Variants in HDHD2 observed in about 807,000 individuals in gnomAD.
HDHD2 encodes the protein haloacid dehalogenase-like hydrolase domain-containing protein 2.
Under a neutral mutation model 24.8 loss-of-function variants are expected in HDHD2, and 26 were observed. That is an observed-to-expected ratio of 1.05 (90% CI 0.77 to 1.45). HDHD2 has a LOEUF of 1.45. Among genes scored for constraint, HDHD2 ranks in the 40% most tolerant of loss-of-function variants. The probability of loss-of-function intolerance (pLI) is 0.00; values close to 1 mark genes in which losing one functional copy is unlikely to be tolerated. For synonymous variants in HDHD2, 128 were observed against 114.9 expected (o/e 1.11, Z -0.73); for missense variants, 299 against 313.4 (o/e 0.95, Z 0.35).
At chr18:47,135,573 G>T (rs2063758179) in intron 2 of HDHD2, among the ~76,000 whole-genome samples, 1 of 152,092 alleles carries the variant, frequency 6.6e-6, no homozygotes. Context: ...TGAGTCACTA[G>T]ATTTTCTGAT....
At chr18:47,144,799 C>CAAAAAAA (rs200234127) in intron 1 of HDHD2, among the ~76,000 whole-genome samples, 1 of 61,244 alleles carries the variant, frequency 1.6e-5, no homozygotes, top group African/African-American at 5.9e-5. Context: ...GACCCTGTCT[C>CAAAAAAA]AAAAAAAAAA....
chr18:47,137,766 G>A (rs1181573526), intron 1 of HDHD2, among the ~76,000 whole-genome samples: 3 of 151,572 alleles, frequency 2.0e-5, no homozygotes, highest in Non-Finnish European at 4.4e-5. Context: ...CTGCGTAGCT[G>A]TTACGTATAG....
At chr18:47,131,756 T>C (rs2063715791) in intron 3 of HDHD2, among the ~76,000 whole-genome samples, 1 of 152,132 alleles carries the variant, frequency 6.6e-6, no homozygotes, top group South Asian at 2.1e-4. Flanking sequence ...TTAAAAAAAA[T>C]ACCAGTATTA....
intron 4 of HDHD2, among the ~76,000 whole-genome samples, chr18:47,127,200 T>C: frequency 6.6e-6 from 1 of 152,042 alleles, no homozygotes; most frequent in Non-Finnish European, 1.5e-5. Flanking sequence ...TAGGAACTTG[T>C]GGCAAAGCAA....
chr18:47,123,986 A>G (rs567513032), intron 4 of HDHD2, among the ~76,000 whole-genome samples: 4 of 152,356 alleles, frequency 2.6e-5, no homozygotes, highest in Non-Finnish European at 5.9e-5. Context: ...AATAATCAAG[A>G]CAGTATGAAT....
chr18:47,144,251 C>A (rs1218762461), intron 1 of HDHD2, among the ~76,000 whole-genome samples: 2 of 152,144 alleles, frequency 1.3e-5, no homozygotes, highest in Non-Finnish European at 2.9e-5. Context: ...CCCCATGGGC[C>A]TCTTCAGGGA....
At chr18:47,128,074 C>T (rs976006746) in intron 4 of HDHD2, among the ~76,000 whole-genome samples, 2 of 152,126 alleles carry the variant, frequency 1.3e-5, no homozygotes, top group Non-Finnish European at 2.9e-5. Flanking sequence ...GACCTAAAAT[C>T]CTTCTGTTAA....
chr18:47,146,811 A>C (rs2063875455), intron 1 of HDHD2, among the ~76,000 whole-genome samples: 1 of 152,204 alleles, frequency 6.6e-6, no homozygotes, highest in South Asian at 2.1e-4. Context: ...TAAAACTGTA[A>C]AGAGAAGCAA....
intron 5 of HDHD2, among the ~76,000 whole-genome samples, chr18:47,114,878 CAT>C (rs929273076): frequency 6.6e-6 from 1 of 151,140 alleles, no homozygotes; most frequent in African/African-American, 2.4e-5. Flanking sequence ...GAGTTAACTA[CAT>C]ATATATATGT....
chr18:47,113,942 G>GT lies in HDHD2; in HGVS notation c.613-903dup, dbSNP rs532068829. Among the ~76,000 whole-genome samples the GT allele has an allele frequency of 1.1e-4, 17 of 152,210 alleles. No homozygotes were observed. In the East Asian group the frequency reaches 3.1e-3, roughly 28 times the overall value. On this transcript the variant is annotated intron_variant, in intron 5 of 6. Coordinates refer to ENST00000300605, the MANE Select transcript of HDHD2 (RefSeq NM_032124.5). ...GAAAAAGAATGTGGACAATGAGACGGTGGGGGGCAGGGAACCACCACTTTC... is the reference window on the plus strand; with the variant it reads ...GAAAAAGAATGTGGACAATGAGACGGTTGGGGGGCAGGGAACCACCACTTTC...
chr18:47,109,044 A>G (rs1438870924), intron 6 of HDHD2: 1 of 441,334 alleles, frequency 2.3e-6, no homozygotes, highest in East Asian at 4.2e-5. Flanking sequence ...CTGACAGCTA[A>G]GATTCCCTTC....
At chr18:47,128,321 C>T (rs891213115) in intron 4 of HDHD2, among the ~76,000 whole-genome samples, 7 of 152,130 alleles carry the variant, frequency 4.6e-5, no homozygotes, top group Non-Finnish European at 1.0e-4. Flanking sequence ...AAATTGCCAG[C>T]TAAAATTAAT....
At position 47,128,474 on chromosome 18, in the gene HDHD2, A is replaced by G. The variant is rs370254593; in HGVS notation, c.395+1770T>C. Among the ~76,000 whole-genome samples the G allele has an allele frequency of 1.6e-4, 25 of 152,350 alleles. No homozygotes were observed. In the East Asian group the frequency reaches 3.5e-3, roughly 21 times the overall value. Reference sequence around the variant, plus strand: ...AGAACTTACTTAAGGAGCAGATGGCATAGTCTCTCCCTCCTCAACCAAAGG... The same window carrying G: ...AGAACTTACTTAAGGAGCAGATGGCGTAGTCTCTCCCTCCTCAACCAAAGG... On this transcript the variant is annotated intron_variant, in intron 4 of 6. Coordinates refer to ENST00000300605, the MANE Select transcript of HDHD2 (RefSeq NM_032124.5).
chr18:47,145,195 C>A (rs2063857447), intron 1 of HDHD2, among the ~76,000 whole-genome samples: 1 of 152,194 alleles, frequency 6.6e-6, no homozygotes. Flanking sequence ...AAAGGAGCAA[C>A]ATTTAGACTC....
intron 2 of HDHD2, among the ~76,000 whole-genome samples, chr18:47,135,264 T>C (rs184779315): frequency 0.012 from 1,780 of 149,622 alleles, 19 homozygotes; most frequent in Non-Finnish European, 0.019. Context: ...TTTTCTTTTT[T>C]TTTTTTTTTT....
chr18:47,148,060 A>G (rs2063890781), intron 1 of HDHD2, among the ~76,000 whole-genome samples: 1 of 147,232 alleles, frequency 6.8e-6, no homozygotes, highest in African/African-American at 2.5e-5. Flanking sequence ...ACTATCTCTC[A>G]GCTCACTGCA....
intron 6 of HDHD2, among the ~76,000 whole-genome samples, chr18:47,112,588 AGCT>A (rs2063524034): frequency 6.6e-6 from 1 of 152,242 alleles, no homozygotes; most frequent in Admixed American, 6.5e-5. Context: ...CAGATCACTT[AGCT>A]GGCCAGTTTC....
At chr18:47,111,296 G>A (rs1049629376) in intron 6 of HDHD2, 26 of 984,794 alleles carry the variant, frequency 2.6e-5, no homozygotes, top group Non-Finnish European at 3.1e-5. Context: ...CCAGCTGGGG[G>A]AGCTGGGCCC....
chr18:47,132,775 TATC>T (rs2063725222), intron 3 of HDHD2, among the ~76,000 whole-genome samples: 1 of 152,232 alleles, frequency 6.6e-6, no homozygotes, highest in South Asian at 2.1e-4. Flanking sequence ...TTCATAAAAC[TATC>T]ATATTCTTTC....
Sources: gnomAD v4.1 joint callset for allele counts (sites outside exome capture counted in the v4.1 genomes callset) on GRCh38, gnomAD v4.1.1 for gene constraint, MANE v1.5 for transcripts, NCBI Gene and HGNC (gene_info 2026-07-23, HGNC 2026-07-21) for gene names.